ZFHX4: variants seen among roughly 807,000 people sequenced by gnomAD.
The protein encoded by ZFHX4 is zinc finger homeobox protein 4.
Under a neutral mutation model 267.6 loss-of-function variants are expected in ZFHX4, and 56 were observed. The observed-to-expected ratio is 0.21, with a 90% CI of 0.17 to 0.26. The LOEUF (loss-of-function observed/expected upper bound fraction) is 0.26. Ranked by LOEUF, ZFHX4 falls within the 10% of genes least tolerant of loss-of-function variation. ZFHX4 has a pLI of 1.00. For missense variants in ZFHX4, 4,332 were observed against 4,420.0 expected (o/e 0.98, Z 0.56); for synonymous variants, 1,778 against 1,665.6 (o/e 1.07, Z -1.64).
At chr8:76,708,318 G>T in intron 3 of ZFHX4, 1 of 472,470 alleles carries the variant, frequency 2.1e-6, no homozygotes, top group South Asian at 2.5e-5. Flanking sequence ...AGAATTTGGG[G>T]GATAGTGTTA....
At chr8:76,723,668 T>TA (rs1462723683) in intron 3 of ZFHX4, among the ~76,000 whole-genome samples, 6 of 151,822 alleles carry the variant, frequency 4.0e-5, no homozygotes, top group African/African-American at 1.5e-4. Context: ...AGGATGGACA[T>TA]AGGCTTTGCT....
chr8:76,786,828 C>T (rs757456202), intron 4 of ZFHX4, among the ~76,000 whole-genome samples: 8 of 152,108 alleles, frequency 5.3e-5, no homozygotes, highest in Non-Finnish European at 1.0e-4. Context: ...TGCCACTGTT[C>T]ACAGCACTTT....
chr8:76,807,173 T>C (rs893669905), intron 4 of ZFHX4, among the ~76,000 whole-genome samples: 1 of 152,032 alleles, frequency 6.6e-6, no homozygotes, highest in African/African-American at 2.4e-5. Flanking sequence ...TTCTTTTATC[T>C]GAACATTTGA....
intron 1 of ZFHX4, among the ~76,000 whole-genome samples, chr8:76,691,926 C>T (rs923550875): frequency 6.6e-6 from 1 of 152,178 alleles, no homozygotes; most frequent in African/African-American, 2.4e-5. Flanking sequence ...TTTCCCCTCT[C>T]TCCTACAAGA....
intron 4 of ZFHX4, among the ~76,000 whole-genome samples, chr8:76,825,729 G>A (rs578212282): frequency 6.6e-6 from 1 of 152,292 alleles, no homozygotes; most frequent in Admixed American, 6.5e-5. Context: ...TCATTGCGAT[G>A]AAAATAAAAT....
At chr8:76,838,780 G>T (rs1812156534) in intron 5 of ZFHX4, among the ~76,000 whole-genome samples, 1 of 152,082 alleles carries the variant, frequency 6.6e-6, no homozygotes. Context: ...TAAGGGCCAG[G>T]CACGGTGGCT....
intron 4 of ZFHX4, among the ~76,000 whole-genome samples, chr8:76,784,711 C>T (rs1158440736): frequency 6.6e-6 from 1 of 152,050 alleles, no homozygotes. Context: ...AACAACCATC[C>T]TTCAAAGGTC....
intron 4 of ZFHX4, among the ~76,000 whole-genome samples, chr8:76,799,823 T>A (rs1811072233): frequency 6.6e-6 from 1 of 152,128 alleles, no homozygotes; most frequent in Non-Finnish European, 1.5e-5. Context: ...GGAAACATCG[T>A]CTTGCCTTAT....
At chr8:76,721,197 T>C (rs1462361122) in intron 3 of ZFHX4, among the ~76,000 whole-genome samples, 1 of 152,164 alleles carries the variant, frequency 6.6e-6, no homozygotes, top group African/African-American at 2.4e-5. Flanking sequence ...GAAAAATCAC[T>C]CATACCAGTA....
chr8:76,683,647 GGAGAGAGGGAGAGAGAGAGA>G (rs1377707286), intron 1 of ZFHX4: 3 of 126,552 alleles, frequency 2.4e-5, no homozygotes, highest in African/African-American at 4.5e-5. Flanking sequence ...AGAGAGGGGG[GGAGAGAGGGAGAGAGAGAGA>G]GAGAGAGGGA....
intron 4 of ZFHX4, among the ~76,000 whole-genome samples, chr8:76,798,094 A>G (rs1489120997): frequency 6.6e-6 from 1 of 152,230 alleles, no homozygotes; most frequent in Non-Finnish European, 1.5e-5. Context: ...ATCATAGCAT[A>G]GAAAGAAGAT....
At chr8:76,849,245 A>G (rs969868431) in intron 7 of ZFHX4, 117 bp downstream of exon 7, 1 of 1,215,914 alleles carries the variant, frequency 8.2e-7, no homozygotes, top group South Asian at 1.6e-5. Flanking sequence ...GCAATTGGCA[A>G]TGTAACTCTT....
intron 10 of ZFHX4, among the ~76,000 whole-genome samples, chr8:76,857,370 A>G (rs1318213092): frequency 6.7e-6 from 1 of 148,308 alleles, no homozygotes; most frequent in African/African-American, 2.4e-5. Flanking sequence ...ATATATATAT[A>G]TATATATATA....
At chr8:76,808,071 T>C (rs1231516247) in intron 4 of ZFHX4, among the ~76,000 whole-genome samples, 1 of 152,134 alleles carries the variant, frequency 6.6e-6, no homozygotes, top group Non-Finnish European at 1.5e-5. Flanking sequence ...GTATTTCCAA[T>C]AGGAAATATA....
intron 4 of ZFHX4, among the ~76,000 whole-genome samples, chr8:76,815,320 A>G (rs1811476784): frequency 6.6e-6 from 1 of 152,198 alleles, no homozygotes; most frequent in African/African-American, 2.4e-5. Flanking sequence ...ACACCATACA[A>G]TGCGTAGCTT....
At chr8:76,762,009 T>G (rs779838324) in intron 3 of ZFHX4, among the ~76,000 whole-genome samples, 3 of 152,206 alleles carry the variant, frequency 2.0e-5, no homozygotes, top group Non-Finnish European at 4.4e-5. Context: ...ATCAAGATTT[T>G]TAGAATGCTT....
intron 4 of ZFHX4, among the ~76,000 whole-genome samples, chr8:76,821,481 G>A (rs899179213): frequency 7.3e-5 from 11 of 151,480 alleles, no homozygotes; most frequent in Middle Eastern, 6.8e-3. Flanking sequence ...GCCTAACTAC[G>A]ATAGCTAGCA....
At chr8:76,862,817 G>A (rs13257609) in intron 10 of ZFHX4, among the ~76,000 whole-genome samples, 130,411 of 152,140 alleles carry the variant, frequency 0.86, 56,418 homozygotes, top group African/African-American at 0.97. Flanking sequence ...ATCTTTCATA[G>A]CATGAGAGCC....
At chr8:76,754,963 T>G (rs1173365056) in intron 3 of ZFHX4, among the ~76,000 whole-genome samples, 2 of 152,174 alleles carry the variant, frequency 1.3e-5, no homozygotes, top group Non-Finnish European at 2.9e-5. Flanking sequence ...CATTGCCAAA[T>G]TGCCTTCTGG....
Sources: gnomAD v4.1 joint callset for allele counts (sites outside exome capture counted in the v4.1 genomes callset) on GRCh38, gnomAD v4.1.1 for gene constraint, MANE v1.5 for transcripts, NCBI Gene and HGNC (gene_info 2026-07-23, HGNC 2026-07-21) for gene names.